Variants in PRLR observed in about 807,000 individuals in gnomAD.
PRLR encodes the protein prolactin receptor, also known as hPRL receptor.
Under a neutral mutation model 40.2 loss-of-function variants are expected in PRLR, and 13 were observed. That is an observed-to-expected ratio of 0.32 (90% CI 0.21 to 0.51). PRLR has a LOEUF of 0.51. Ranked by LOEUF, PRLR falls within the 20% of genes least tolerant of loss-of-function variation. The probability of loss-of-function intolerance (pLI) is 0.97; values close to 1 mark genes in which losing one functional copy is unlikely to be tolerated. For synonymous variants in PRLR, 269 were observed against 278.7 expected, an observed-to-expected ratio of 0.97 and a Z score of 0.35; for missense variants, 656 against 747.3, an observed-to-expected ratio of 0.88 and a Z score of 1.42.
intron 1 of PRLR, among the ~76,000 whole-genome samples, chr5:35,183,445 G>T (rs775821621): frequency 3.3e-4 from 50 of 152,196 alleles, no homozygotes; most frequent in Admixed American, 7.2e-4. Flanking sequence ...AGACATCACA[G>T]AACTGGGTAC....
Position 35,068,911 on chromosome 5 carries a change from C to T in PRLR, c.686-33G>A, listed in dbSNP as rs758136642. On this transcript the variant is annotated intron_variant, in intron 7 of 9. Transcript: ENST00000618457. The stretch of plus-strand genomic sequence containing the variant: ...ACAAACAGCCAGAAAGCTTTGATCA[C>T]GTACAGCATCATTAAAAACAAACCA... 4.8e-5 allele frequency: 71 copies of T among 1,485,648 alleles called. 1 individual carries two copies. The East Asian group carries it at 1.2e-3, about 25-fold the overall frequency. The allele number at this position is 1,485,648 out of a possible 1,614,324, so 92.0% of individuals were successfully genotyped here. A position where few individuals can be genotyped will look rare whatever the true frequency, so the allele number is the denominator to read the frequency against.
chr5:35,161,419 T>C (rs1225112664), intron 1 of PRLR, among the ~76,000 whole-genome samples: 1 of 152,178 alleles, frequency 6.6e-6, no homozygotes, highest in Non-Finnish European at 1.5e-5. Flanking sequence ...AGATTAATAC[T>C]AGGAAAGAGG....
chr5:35,141,825 T>C (rs1579724462), intron 1 of PRLR, among the ~76,000 whole-genome samples: 2 of 152,158 alleles, frequency 1.3e-5, no homozygotes, highest in African/African-American at 4.8e-5. Context: ...AACTCCTCAT[T>C]GGATGCCATG....
At chr5:35,159,320 GAAAA>G (rs34465230) in intron 1 of PRLR, among the ~76,000 whole-genome samples, 5,345 of 137,364 alleles carry the variant, frequency 0.039, 131 homozygotes, top group Non-Finnish European at 0.053. Flanking sequence ...ATCAAGATAG[GAAAA>G]AAAAAAAAAA....
chr5:35,147,316 C>A (rs1774210239), intron 1 of PRLR, among the ~76,000 whole-genome samples: 1 of 152,158 alleles, frequency 6.6e-6, no homozygotes. Flanking sequence ...TGCCACTTCT[C>A]CCCTCATTTC....
At chr5:35,128,998 C>G (rs779842311) in intron 1 of PRLR, among the ~76,000 whole-genome samples, 1 of 152,186 alleles carries the variant, frequency 6.6e-6, no homozygotes, top group Non-Finnish European at 1.5e-5. Flanking sequence ...AAAATCAGAG[C>G]TGAACTGACT....
intron 1 of PRLR, among the ~76,000 whole-genome samples, chr5:35,141,810 C>A (rs1048967218): frequency 6.6e-6 from 1 of 152,162 alleles, no homozygotes; most frequent in Non-Finnish European, 1.5e-5. Context: ...TGCCCTCCCA[C>A]CCCCAACTCC....
At chr5:35,100,319 A>T (rs1290722296) in intron 2 of PRLR, among the ~76,000 whole-genome samples, 1 of 152,236 alleles carries the variant, frequency 6.6e-6, no homozygotes, top group Non-Finnish European at 1.5e-5. Flanking sequence ...CAGTGTATAT[A>T]AAGTCCACAG....
downstream of PRLR, among the ~76,000 whole-genome samples, chr5:35,051,044 T>C (rs773436619): frequency 3.9e-5 from 6 of 152,238 alleles, no homozygotes; most frequent in Non-Finnish European, 7.3e-5. Flanking sequence ...ACTGATTTTC[T>C]TGAAAAATAA....
intron 1 of PRLR, among the ~76,000 whole-genome samples, chr5:35,137,728 T>C (rs568062635): frequency 1.8e-4 from 27 of 152,212 alleles, no homozygotes; most frequent in Non-Finnish European, 3.8e-4. Flanking sequence ...TGGGCTCTTT[T>C]AATGGAAGGA....
chr5:35,135,675 G>T (rs1773834230), intron 1 of PRLR, among the ~76,000 whole-genome samples: 1 of 152,144 alleles, frequency 6.6e-6, no homozygotes, highest in East Asian at 1.9e-4. Context: ...CAGGTGCTTT[G>T]TGGCTTCTCT....
chr5:35,061,935 G>T lies in PRLR; in HGVS notation c.*3154C>A, dbSNP rs2112354078. The T allele has an allele frequency of 6.6e-6, 1 of 152,170 alleles. No individual in the cohort carries two copies. Among genetic ancestry groups the T allele is most frequent in the South Asian group, 2.1e-4 (1 of 4,812 alleles). The allele number at this position is 152,170 out of a possible 1,614,324, so 9.4% of individuals were successfully genotyped here. ...ATGAGCATGGCTTGATTCAGTAAAA[G>T]ATCATTTTTCTAAAGATTAGTGCCT... is the stretch of plus-strand genomic sequence containing the variant. On this transcript the variant is annotated 3_prime_UTR_variant, in exon 10 of 10. Transcript: ENST00000618457.
intron 1 of PRLR, among the ~76,000 whole-genome samples, chr5:35,200,711 C>G (rs1203108580): frequency 6.6e-6 from 1 of 152,078 alleles, no homozygotes. Flanking sequence ...GGTACCATGT[C>G]TTTATATAGG....
At chr5:35,138,238 A>G (rs140469569) in intron 1 of PRLR, among the ~76,000 whole-genome samples, 1 of 152,316 alleles carries the variant, frequency 6.6e-6, no homozygotes, top group East Asian at 1.9e-4. Flanking sequence ...GATACTTTGG[A>G]AGTTTCAGTT....
chr5:35,090,308 C>T (rs1400930097), intron 2 of PRLR, among the ~76,000 whole-genome samples: 1 of 152,058 alleles, frequency 6.6e-6, no homozygotes, highest in Non-Finnish European at 1.5e-5. Flanking sequence ...AATTTAAATT[C>T]CTTGGGTTCA....
At chr5:35,172,552 A>T (rs910550683) in intron 1 of PRLR, among the ~76,000 whole-genome samples, 44 of 152,142 alleles carry the variant, frequency 2.9e-4, no homozygotes, top group African/African-American at 9.9e-4. Flanking sequence ...TGGCTCTGGA[A>T]CCGTACAGTT....
In PRLR at chr5:35,060,868, C is replaced by A. The variant is rs548229864; in HGVS notation, c.*4221G>T. 6.6e-6 allele frequency: 1 copy of A among 152,172 alleles called. No individual in the cohort carries two copies. The highest frequency in any genetic ancestry group is 2.4e-5 in the African/African-American group (1 of 41,446). 9.4% of individuals were successfully genotyped at this position (152,172 alleles called of 1,614,324 possible). Reference sequence around the variant, plus strand: ...CAGGTTTAGGCATGTAAGCCAATGACATTCAAAAATGTATCAATAAGTTTT... The same window carrying A: ...CAGGTTTAGGCATGTAAGCCAATGAAATTCAAAAATGTATCAATAAGTTTT... On this transcript the variant is annotated 3_prime_UTR_variant, in exon 10 of 10. Coordinates refer to ENST00000618457, the MANE Select transcript of PRLR (RefSeq NM_000949.7).
intron 1 of PRLR, among the ~76,000 whole-genome samples, chr5:35,163,558 T>A (rs1032981439): frequency 6.6e-6 from 1 of 152,240 alleles, no homozygotes; most frequent in Admixed American, 6.5e-5. Context: ...AGTGGCTTTT[T>A]AAATTTCTAT....
At position 35,062,662 on chromosome 5, in the gene PRLR, T is replaced by G. The variant is rs1275000918; in HGVS notation, c.*2427A>C. 1 of 152,222 alleles carries G rather than the reference T, an allele frequency of 6.6e-6. No individual in the cohort carries two copies. The allele number at this position is 152,222 out of a possible 1,614,324, so 9.4% of individuals were successfully genotyped here. A position where few individuals can be genotyped will look rare whatever the true frequency, so the allele number is the denominator to read the frequency against. On this transcript the variant is annotated 3_prime_UTR_variant, in exon 10 of 10. Coordinates refer to ENST00000618457, the MANE Select transcript of PRLR (RefSeq NM_000949.7). Reference sequence around the variant, plus strand: ...ACTATAAGAGTGACTGATACATATCTTCTCTATTCTTAGAGAATAGACTAT... The same window carrying G: ...ACTATAAGAGTGACTGATACATATCGTCTCTATTCTTAGAGAATAGACTAT...
Sources: gnomAD v4.1 joint callset for allele counts (sites outside exome capture counted in the v4.1 genomes callset) on GRCh38, gnomAD v4.1.1 for gene constraint, MANE v1.5 for transcripts, NCBI Gene and HGNC (gene_info 2026-07-23, HGNC 2026-07-21) for gene names.